The following ADGRV1 variants were observed in gnomAD, a reference collection of about 807,000 sequenced individuals.
ADGRV1 encodes the protein G-protein coupled receptor 98.
In ADGRV1, 359 loss-of-function variants were observed where a neutral mutation model predicts 596.2. That is an observed-to-expected ratio of 0.60 (90% CI 0.55 to 0.66). ADGRV1 has a LOEUF of 0.66. Ranked by LOEUF, ADGRV1 falls within the 30% of genes least tolerant of loss-of-function variation. The pLI is 0.00. For missense variants in ADGRV1, 7,274 were observed against 7,575.6 expected, an observed-to-expected ratio of 0.96 and a Z score of 1.48; for synonymous variants, 2,681 against 2,679.2, an observed-to-expected ratio of 1.00 and a Z score of -0.02.
intron 85 of ADGRV1, among the ~76,000 whole-genome samples, chr5:91,046,294 A>AC (rs1316301621): frequency 6.6e-6 from 1 of 152,186 alleles, no homozygotes; most frequent in Non-Finnish European, 1.5e-5. Context: ...TCACCAAAAC[A>AC]GCATGATACT....
intron 1 of ADGRV1, among the ~76,000 whole-genome samples, chr5:90,582,064 C>T (rs1270656843): frequency 6.8e-6 from 1 of 146,704 alleles, no homozygotes; most frequent in Non-Finnish European, 1.5e-5. Flanking sequence ...TATATGATTT[C>T]AGTTGTTTTT....
rs778201033 is a variant in ADGRV1, at chr5:90,653,408, TG to T, written c.3836del (p.Gly1279ValfsTer21). On this transcript the variant is annotated frameshift_variant, in exon 20 of 90. Coordinates refer to ENST00000405460, the MANE Select transcript of ADGRV1 (RefSeq NM_032119.4). LOFTEE classifies it high-confidence loss of function. ...CCATTTTGAGGCAGCAGGGTGTGTT[TG>T]GTGATGTACAACTGGGCTGGGAAAT... The part of the protein sequence containing the change: ...FTILRQQGVF[G>X]DVQLGWEILS... The T allele has an allele frequency of 5.6e-6, 9 of 1,613,986 alleles. No homozygotes were observed. The highest frequency in any genetic ancestry group is 7.6e-6 in the Non-Finnish European group (9 of 1,179,876).
intron 3 of ADGRV1, among the ~76,000 whole-genome samples, chr5:90,618,318 G>A (rs1419065954): frequency 4.6e-5 from 7 of 152,124 alleles, no homozygotes; most frequent in Non-Finnish European, 4.4e-5. Context: ...TACAAAAAGC[G>A]GGCATGGAAG....
chr5:90,617,694 A>G lies in ADGRV1; in HGVS notation c.208-110A>G, dbSNP rs1024457244. On this transcript the variant is annotated intron_variant, in intron 2 of 89. Coordinates refer to ENST00000405460, the MANE Select transcript of ADGRV1 (RefSeq NM_032119.4). ...GTTTTTGTACACCCTATCTATAAAC[A>G]TAAATGTCACTTGATTTATGCTTTT... 5.5e-5 allele frequency: 50 copies of G among 914,086 alleles called. No individual in the cohort carries two copies. In the Middle Eastern group the frequency reaches 1.1e-3, roughly 19 times the overall value. 56.6% of individuals were successfully genotyped at this position (914,086 alleles called of 1,614,324 possible).
chr5:91,083,831 G>A (rs1299411128), intron 86 of ADGRV1, among the ~76,000 whole-genome samples: 1 of 152,198 alleles, frequency 6.6e-6, no homozygotes, highest in Admixed American at 6.5e-5. Context: ...TACTCAGGTG[G>A]CTGAGGTGAG....
At chr5:91,102,928 G>T (rs1218880929) in intron 87 of ADGRV1, among the ~76,000 whole-genome samples, 1 of 152,280 alleles carries the variant, frequency 6.6e-6, no homozygotes, top group African/African-American at 2.4e-5. Flanking sequence ...ATGGAAAAAT[G>T]TTGCACCCTG....
In ADGRV1 at chr5:90,810,681, A is replaced by G; in HGVS notation, c.15421A>G (p.Thr5141Ala). 6.2e-7 allele frequency: 1 copy of G among 1,614,004 alleles called. No individual in the cohort carries two copies. The highest frequency in any genetic ancestry group is 8.5e-7 in the Non-Finnish European group (1 of 1,179,894). Residue 5141 changes from threonine to alanine, a missense_variant, in exon 74 of 90, where the codon ACT (threonine) becomes GCT (alanine). By Grantham distance (58) the Thr-to-Ala change is moderately conservative. Around this residue, in one of 5 missense-constraint regions of ADGRV1, gnomAD observed 1,874 missense variants for 1,970.2 expected, o/e 0.95. Coordinates refer to ENST00000405460, the MANE Select transcript of ADGRV1 (RefSeq NM_032119.4). The stretch of plus-strand genomic sequence containing the variant: ...AATGGATATTTCCTTCCCCGAGACA[A>G]CTGTGGCTGTAGCAGTTGACACAAC... ...AGMDISFPET[T>A]VAVAVDTTLI... is the part of the protein sequence containing the mutation.
chr5:90,753,515 T>C (rs1268446649), intron 53 of ADGRV1, 59 bp from the exon 54 acceptor site: 1 of 1,260,742 alleles, frequency 7.9e-7, no homozygotes, highest in Non-Finnish European at 1.1e-6. Context: ...TTTTAAAATA[T>C]TCTTACTACA....
intron 78 of ADGRV1, chr5:90,846,618 G>T (rs1011648437): frequency 2.6e-5 from 4 of 154,468 alleles, no homozygotes; most frequent in Non-Finnish European, 5.7e-5. Flanking sequence ...GTGGTCTTGC[G>T]GGCTCAGGAG....
At chr5:90,794,953 T>A (rs1381774686) in intron 70 of ADGRV1, among the ~76,000 whole-genome samples, 1 of 151,994 alleles carries the variant, frequency 6.6e-6, no homozygotes, top group African/African-American at 2.4e-5. Context: ...CTGGCCCAGA[T>A]ACTGTGCTTT....
intron 85 of ADGRV1, among the ~76,000 whole-genome samples, chr5:91,052,559 C>T (rs913075193): frequency 6.6e-6 from 1 of 151,824 alleles, no homozygotes; most frequent in East Asian, 1.9e-4. Flanking sequence ...CTCAGCCTCC[C>T]GAGTAGCTGG....
At chr5:90,772,223 C>T (rs938010558) in intron 59 of ADGRV1, among the ~76,000 whole-genome samples, 5 of 152,216 alleles carry the variant, frequency 3.3e-5, no homozygotes, top group East Asian at 1.9e-4. Flanking sequence ...CCTCCAAAGT[C>T]GATACTTCTG....
intron 9 of ADGRV1, among the ~76,000 whole-genome samples, chr5:90,633,840 C>T (rs1765807018): frequency 6.6e-6 from 1 of 151,884 alleles, no homozygotes; most frequent in Admixed American, 6.6e-5. Flanking sequence ...CAAAATTATT[C>T]ATGTCTTTCT....
At position 90,807,606 on chromosome 5, in the gene ADGRV1, C is replaced by G. The variant is rs755474498; in HGVS notation, c.14841C>G (p.Ser4947Arg). The G allele has an allele frequency of 6.2e-7, 1 of 1,610,472 alleles. No homozygotes were observed. The highest frequency in any genetic ancestry group is 1.1e-5 in the South Asian group (1 of 90,562). Reference protein sequence around the residue: ...VVGNMTPTLGSLSFSHGEQRK... With the variant: ...VVGNMTPTLGRLSFSHGEQRK... ...CTTTTTCATGTTTTCTTTCAGGGAGCCTTTCATTTTCCCACGGTGAACAAA... is the reference window on the plus strand; with the variant it reads ...CTTTTTCATGTTTTCTTTCAGGGAGGCTTTCATTTTCCCACGGTGAACAAA... The change falls in exon 73 of 90, where the codon AGC (serine) becomes AGG (arginine). Residue 4947 changes from serine to arginine, a missense_variant. This residue lies in a region of ADGRV1 where 1,874 missense variants were observed against 1,970.2 expected (regional missense o/e 0.95). Transcript: ENST00000405460.
intron 1 of ADGRV1, among the ~76,000 whole-genome samples, chr5:90,602,420 C>T (rs534591845): frequency 2.6e-5 from 4 of 152,208 alleles, no homozygotes; most frequent in South Asian, 2.1e-4. Context: ...TAACCAAGCT[C>T]GACACCAATA....
chr5:91,019,374 G>A (rs142015236), intron 85 of ADGRV1, among the ~76,000 whole-genome samples: 19 of 152,088 alleles, frequency 1.2e-4, no homozygotes, highest in Non-Finnish European at 2.6e-4. Flanking sequence ...TGTGATTGTT[G>A]TCTCCTTTAA....
intron 33 of ADGRV1, among the ~76,000 whole-genome samples, chr5:90,696,290 C>G (rs1013448047): frequency 1.3e-5 from 2 of 152,084 alleles, no homozygotes; most frequent in Non-Finnish European, 2.9e-5. Context: ...ATTGCTTGGA[C>G]TTTTGTTGCT....
intron 77 of ADGRV1, among the ~76,000 whole-genome samples, chr5:90,839,197 T>C (rs943343833): frequency 6.6e-6 from 1 of 151,984 alleles, no homozygotes; most frequent in Non-Finnish European, 1.5e-5. Context: ...TACCTCTCTG[T>C]TTTTTGTTTT....
rs1263238590 is a variant in ADGRV1 at position 90,859,500 on chromosome 5, T to A, written c.17755+3599T>A. ...CAGGCTGGAGTGCAGTGGTGTGATCTCGGCTCATTGCAACTTCCGCCTTCT... is the reference window on the plus strand; with the variant it reads ...CAGGCTGGAGTGCAGTGGTGTGATCACGGCTCATTGCAACTTCCGCCTTCT... On this transcript the variant is annotated intron_variant, in intron 82 of 89. Transcript: ENST00000405460. Among the ~76,000 whole-genome samples, 4 of 152,108 alleles carry A rather than the reference T, an allele frequency of 2.6e-5. No homozygotes were observed. The East Asian group carries it at 7.7e-4, about 29-fold the overall frequency.
Sources: allele counts gnomAD v4.1 joint callset (sites outside exome capture counted in the v4.1 genomes callset), GRCh38; gene constraint gnomAD v4.1.1; regional missense constraint gnomAD v4.1.1; transcripts MANE v1.5; gene names NCBI Gene and HGNC (gene_info 2026-07-23, HGNC 2026-07-21).